Variants in MPPED2 observed in about 807,000 individuals in gnomAD.
The protein encoded by MPPED2 is metallophosphoesterase domain containing 2.
In MPPED2, 5 loss-of-function variants were observed where a neutral mutation model predicts 33.0. The ratio of observed to expected loss-of-function variants is 0.15; its 90% CI spans 0.08 to 0.32. The LOEUF (loss-of-function observed/expected upper bound fraction) is 0.32. MPPED2 is among the 10% of genes least tolerant of loss of function. MPPED2 has a pLI of 1.00. For synonymous variants in MPPED2, 136 were observed against 141.9 expected (o/e 0.96, Z 0.29); for missense variants, 275 against 372.1 (o/e 0.74, Z 2.15).
chr11:30,404,714 A>G (rs1461646920), intron 6 of MPPED2, among the ~76,000 whole-genome samples: 2 of 152,156 alleles, frequency 1.3e-5, no homozygotes. Flanking sequence ...TTCATGTGTC[A>G]ATATCTTGTT....
intron 3 of MPPED2, among the ~76,000 whole-genome samples, chr11:30,530,755 A>G (rs940717140): frequency 9.9e-5 from 15 of 152,244 alleles, no homozygotes; most frequent in Non-Finnish European, 1.8e-4. Context: ...AAACTGCAAT[A>G]TTCAAGAAGG....
chr11:30,513,014 G>C (rs75010804), intron 3 of MPPED2, among the ~76,000 whole-genome samples: 2 of 139,656 alleles, frequency 1.4e-5, no homozygotes, highest in Non-Finnish European at 3.1e-5. Flanking sequence ...TGTCTCAAAA[G>C]AAAAAAAAAA....
At chr11:30,536,197 C>A (rs758554944) in intron 2 of MPPED2, 22 bp from the exon 3 acceptor site, 8 of 1,539,962 alleles carry the variant, frequency 5.2e-6, no homozygotes, top group African/African-American at 1.4e-5. Context: ...ATAACAGATC[C>A]CATAACAGTT....
At chr11:30,576,268 G>A (rs140021572) in intron 2 of MPPED2, among the ~76,000 whole-genome samples, 3 of 152,248 alleles carry the variant, frequency 2.0e-5, no homozygotes, top group South Asian at 2.1e-4. Context: ...TGTTAAACCC[G>A]GTAATCTGAT....
chr11:30,426,234 T>C (rs564469157), intron 4 of MPPED2, among the ~76,000 whole-genome samples: 11 of 152,340 alleles, frequency 7.2e-5, no homozygotes, highest in Admixed American at 5.9e-4. Flanking sequence ...TTCTAGGTAC[T>C]TCATGTAAGT....
intron 3 of MPPED2, among the ~76,000 whole-genome samples, chr11:30,528,901 A>C (rs1954354261): frequency 6.6e-6 from 1 of 152,220 alleles, no homozygotes; most frequent in Non-Finnish European, 1.5e-5. Flanking sequence ...GATAATACAT[A>C]ATTTTTTAAA....
chr11:30,552,087 A>G (rs915574822), intron 2 of MPPED2, among the ~76,000 whole-genome samples: 1 of 152,176 alleles, frequency 6.6e-6, no homozygotes, highest in Non-Finnish European at 1.5e-5. Flanking sequence ...GAAAAAAATC[A>G]TGTCATTTTA....
chr11:30,527,366 GTT>G (rs34308491), intron 3 of MPPED2, among the ~76,000 whole-genome samples: 1 of 142,732 alleles, frequency 7.0e-6, no homozygotes, highest in South Asian at 2.2e-4. Context: ...TGAAAGAGTT[GTT>G]TTTTTTTTTT....
At chr11:30,542,629 AAAAAAT>A (rs897653632) in intron 2 of MPPED2, among the ~76,000 whole-genome samples, 4 of 151,960 alleles carry the variant, frequency 2.6e-5, no homozygotes, top group African/African-American at 4.8e-5. Context: ...GACCATCTTA[AAAAAAT>A]AAAAATAAAA....
At position 30,516,815 on chromosome 11, in the gene MPPED2, T is replaced by TA. The variant is rs151126810; in HGVS notation, c.310+19178dup. On this transcript the variant is annotated intron_variant, in intron 3 of 6. Transcript: ENST00000358117. ...TGCCCAGAAGAAATTCATTTTGTGT[T>TA]AAAAAAAAGAAAGAAGAAAGAAAGA... is the stretch of plus-strand genomic sequence containing the variant. Among the ~76,000 whole-genome samples, 419 of 151,950 alleles carry TA rather than the reference T, an allele frequency of 2.8e-3. 3 individuals carry two copies. The highest frequency in any genetic ancestry group is 0.017 in the Middle Eastern group (5 of 294).
intron 3 of MPPED2, among the ~76,000 whole-genome samples, chr11:30,532,112 G>T (rs1434491838): frequency 1.3e-5 from 2 of 152,194 alleles, no homozygotes; most frequent in African/African-American, 4.8e-5. Flanking sequence ...TGTATGAAAT[G>T]ACACATGTAA....
At position 30,448,609 on chromosome 11, in the gene MPPED2, G is replaced by A. The variant is rs545175121; in HGVS notation, c.537-30976C>T. Among the ~76,000 whole-genome samples the A allele has an allele frequency of 4.6e-5, 7 of 152,224 alleles. No homozygotes were observed. The East Asian group carries it at 1.4e-3, about 29-fold the overall frequency. On this transcript the variant is annotated intron_variant, in intron 4 of 6. Transcript: ENST00000358117. ...TTTTATGATAACTTTATTCTACAAG[G>A]ATGAAAGGCAAAGGATTAACATTTT...
intron 4 of MPPED2, among the ~76,000 whole-genome samples, chr11:30,468,087 T>C (rs1391254585): frequency 6.6e-6 from 1 of 152,194 alleles, no homozygotes. Flanking sequence ...ACTAGAGTCA[T>C]GATTCATTAG....
chr11:30,452,801 C>T (rs1950118534), intron 4 of MPPED2, among the ~76,000 whole-genome samples: 1 of 152,068 alleles, frequency 6.6e-6, no homozygotes, highest in Non-Finnish European at 1.5e-5. Context: ...GCTAAGAGAG[C>T]ATCGCTAAGT....
chr11:30,532,508 A>G (rs1954584529), intron 3 of MPPED2, among the ~76,000 whole-genome samples: 1 of 152,084 alleles, frequency 6.6e-6, no homozygotes, highest in South Asian at 2.1e-4. Flanking sequence ...CCTCTACTCT[A>G]TTAGTTGAAA....
chr11:30,413,136 T>C (rs1197503426), intron 6 of MPPED2, among the ~76,000 whole-genome samples: 2 of 152,194 alleles, frequency 1.3e-5, no homozygotes, highest in Non-Finnish European at 2.9e-5. Flanking sequence ...GCAAACTGAA[T>C]TTTCTCTGGC....
intron 4 of MPPED2, among the ~76,000 whole-genome samples, chr11:30,473,897 A>G (rs886499634): frequency 6.6e-6 from 1 of 152,202 alleles, no homozygotes; most frequent in African/African-American, 2.4e-5. Context: ...ATTCCTATCA[A>G]CAACCACCTG....
intron 3 of MPPED2, among the ~76,000 whole-genome samples, chr11:30,503,414 A>G (rs371049847): frequency 1.6e-4 from 25 of 152,158 alleles, no homozygotes; most frequent in East Asian, 9.6e-4. Flanking sequence ...CTCTTGCCTC[A>G]TACTCTTCAT....
At chr11:30,424,728 G>A (rs1948755347) in intron 4 of MPPED2, among the ~76,000 whole-genome samples, 1 of 152,046 alleles carries the variant, frequency 6.6e-6, no homozygotes, top group Admixed American at 6.6e-5. Flanking sequence ...GGAAGGCCAT[G>A]TACCACCCCA....
Sources: allele counts gnomAD v4.1 joint callset (sites outside exome capture counted in the v4.1 genomes callset), GRCh38; gene constraint gnomAD v4.1.1; transcripts MANE v1.5; gene names NCBI Gene and HGNC (gene_info 2026-07-23, HGNC 2026-07-21).